Variants in NRL observed in about 807,000 individuals in gnomAD.
The protein encoded by NRL is neural retina leucine zipper.
Under a neutral mutation model 12.5 loss-of-function variants are expected in NRL, and 16 were observed. That is an observed-to-expected ratio of 1.28 (90% CI 0.87 to 1.95). NRL has a LOEUF of 1.95. Ranked by LOEUF, NRL falls within the 30% of genes most tolerant of loss-of-function variation. The pLI is 0.00. For missense variants in NRL, 314 were observed against 325.8 expected (o/e 0.96, Z 0.28); for synonymous variants, 142 against 150.9 (o/e 0.94, Z 0.43).
At position 24,081,313 on chromosome 14, in the gene NRL, C is replaced by T; in HGVS notation, c.637G>A (p.Asp213Asn). The change falls in exon 3 of 3, where the codon GAT becomes AAT. Residue 213 changes from aspartate (D) to asparagine (N), a missense_variant. By Grantham distance (23) the Asp-to-Asn change is conservative. Coordinates refer to ENST00000561028, the MANE Select transcript of NRL (RefSeq NM_001354768.3). The surrounding 1 kb of genome is among the most constrained non-coding windows in gnomAD (Gnocchi z 4.4). ...AEVARLARERDLYKARCDRLT... is the reference protein window; with the variant it reads ...AEVARLARERNLYKARCDRLT... ...CGGTCACAGCGAGCCTTGTAGAGAT[C>T]GCGCTCCCGGGCCAGGCGGGCCACC... is the stretch of plus-strand genomic sequence containing the variant. 2 of 1,485,468 alleles carry T rather than the reference C, an allele frequency of 1.3e-6. No individual in the cohort carries two copies. The highest frequency in any genetic ancestry group is 9.0e-7 in the Non-Finnish European group (1 of 1,116,450). 92.0% of individuals were successfully genotyped at this position (1,485,468 alleles called of 1,614,324 possible).
intron 1 of NRL, among the ~76,000 whole-genome samples, chr14:24,083,840 TGTTCAA>T (rs1434252810): frequency 2.6e-5 from 4 of 152,360 alleles, no homozygotes; most frequent in East Asian, 1.9e-4. Flanking sequence ...GTAAACCGTC[TGTTCAA>T]GTTCAACAAA....
intron 1 of NRL, among the ~76,000 whole-genome samples, chr14:24,089,479 C>T (rs1594263892): frequency 6.6e-6 from 1 of 152,116 alleles, no homozygotes; most frequent in Admixed American, 6.5e-5. Flanking sequence ...CTCCTGGGCT[C>T]AAGTGATCCT....
rs1594323981 is a variant in NRL, at chr14:24,111,560, T to C, written c.-28+3162A>G. Among the ~76,000 whole-genome samples, 3 of 150,802 alleles carry C rather than the reference T, an allele frequency of 2.0e-5. No individual in the cohort carries two copies. In the South Asian group the frequency reaches 6.3e-4, roughly 32 times the overall value. ...GGCTTTTTTTTTTTTAGTGACGGGG[T>C]TTCACCATGTTGGCCAGGCTGGTCT... On this transcript the variant is annotated intron_variant, in intron 1 of 2. Transcript: ENST00000561028.
chr14:24,100,783 G>A (rs2037131805), intron 1 of NRL, among the ~76,000 whole-genome samples: 1 of 152,070 alleles, frequency 6.6e-6, no homozygotes, highest in South Asian at 2.1e-4. Flanking sequence ...CCCTTCCCCT[G>A]TCCCTCCAAA....
chr14:24,111,735 G>C (rs944654595), intron 1 of NRL, among the ~76,000 whole-genome samples: 1 of 151,406 alleles, frequency 6.6e-6, no homozygotes. Flanking sequence ...GGAGATTTTG[G>C]GCTGAGACGA....
chr14:24,083,846 A>G (rs2036395991), intron 1 of NRL, among the ~76,000 whole-genome samples: 1 of 152,200 alleles, frequency 6.6e-6, no homozygotes, highest in Non-Finnish European at 1.5e-5. Flanking sequence ...CGTCTGTTCA[A>G]GTTCAACAAA....
At chr14:24,098,349 A>T (rs778961685) in intron 1 of NRL, 1 of 1,613,564 alleles carries the variant, frequency 6.2e-7, no homozygotes, top group Admixed American at 1.7e-5. Flanking sequence ...GCTGATTTCC[A>T]GCGAGCTGTG....
In NRL at chr14:24,081,804, G is replaced by A. The variant is rs932260800; in HGVS notation, c.382-236C>T. On this transcript the variant is annotated intron_variant, in intron 2 of 2. Transcript: ENST00000561028. This position sits in a 1 kb window ranked among gnomAD's most constrained non-coding sequence, Gnocchi z 4.4. ...TCAGGCGGGCGCCCCACGGTGCAGG[G>A]CCGGCCACGGTCAGGCGAGCCCGTC... 12 of 1,482,412 alleles carry A rather than the reference G, an allele frequency of 8.1e-6. No individual in the cohort carries two copies. The African/African-American group carries it at 1.7e-4, about 21-fold the overall frequency. The allele number at this position is 1,482,412 out of a possible 1,614,324, so 91.8% of individuals were successfully genotyped here. A position where few individuals can be genotyped will look rare whatever the true frequency, so the allele number is the denominator to read the frequency against.
chr14:24,114,797 C>T lies in NRL; in HGVS notation c.-103G>A, dbSNP rs1037233992. The stretch of plus-strand genomic sequence containing the variant: ...CCGTCGTGTGACGTTTGCAGCCCGC[C>T]GGCCAGGAAGCCGCGAGATGCGTGA... On this transcript the variant is annotated 5_prime_UTR_variant, in exon 1 of 3. Transcript: ENST00000561028. 3.0e-6 allele frequency: 3 copies of T among 985,846 alleles called. No homozygotes were observed. Among genetic ancestry groups the T allele is most frequent in the Non-Finnish European group, 3.6e-6 (3 of 829,984 alleles). The allele number at this position is 985,846 out of a possible 1,614,324, so 61.1% of individuals were successfully genotyped here.
At chr14:24,096,741 C>T in intron 1 of NRL, 2 of 703,478 alleles carry the variant, frequency 2.8e-6, no homozygotes, top group Non-Finnish European at 5.0e-6. Context: ...GTCCTGAACA[C>T]ATCCCACACA....
At chr14:24,105,282 T>A (rs1354717445) in intron 1 of NRL, among the ~76,000 whole-genome samples, 3 of 152,250 alleles carry the variant, frequency 2.0e-5, no homozygotes, top group Non-Finnish European at 2.9e-5. Flanking sequence ...CATGTGTTCC[T>A]TGCCCTCATT....
At chr14:24,096,648 T>G (rs2036898715) in intron 1 of NRL, among the ~76,000 whole-genome samples, 1 of 152,190 alleles carries the variant, frequency 6.6e-6, no homozygotes, top group Non-Finnish European at 1.5e-5. Context: ...GGCATGTGCC[T>G]TTTTTGCTCA....
intron 1 of NRL, chr14:24,093,257 T>C (rs1472401867): frequency 6.6e-6 from 1 of 152,290 alleles, no homozygotes; most frequent in Non-Finnish European, 1.5e-5. Context: ...TATAGCATTG[T>C]GGGTGATATC....
chr14:24,097,717 C>T lies in NRL; in HGVS notation c.-27-14842G>A, dbSNP rs548187977. On this transcript the variant is annotated intron_variant, in intron 1 of 2. Coordinates refer to ENST00000561028, the MANE Select transcript of NRL (RefSeq NM_001354768.3). Reference sequence around the variant, plus strand: ...CAAGCAATTCTCCTGCCTCAGCCTCCGGAGTAGCTGGGATTACAAGCATGC... The same window carrying T: ...CAAGCAATTCTCCTGCCTCAGCCTCTGGAGTAGCTGGGATTACAAGCATGC... Among the ~76,000 whole-genome samples, 6 of 151,962 alleles carry T rather than the reference C, an allele frequency of 3.9e-5. No individual in the cohort carries two copies. The South Asian group carries it at 1.0e-3, about 26-fold the overall frequency.
rs61497654 is a variant in NRL at position 24,103,500 on chromosome 14, TC to T, written c.-28+11221del. On this transcript the variant is annotated intron_variant, in intron 1 of 2. Coordinates refer to ENST00000561028, the MANE Select transcript of NRL (RefSeq NM_001354768.3). Reference sequence around the variant, plus strand: ...AGGAAGATTCCTTACCCATCTTGCTTCCCCCCCAGGGAAGATCATCATGCAC... The same window carrying T: ...AGGAAGATTCCTTACCCATCTTGCTTCCCCCCAGGGAAGATCATCATGCAC... 8 of 1,534,352 alleles carry T rather than the reference TC, an allele frequency of 5.2e-6. No homozygotes were observed. The East Asian group carries it at 6.8e-5, about 13-fold the overall frequency.
rs57297850 is a variant in NRL, at chr14:24,105,865, A to G, written c.-28+8857T>C. Reference sequence around the variant, plus strand: ...GGTTGCAGTAAGCCTAGATCATGCCATTGCACTCCAGCCTGGGGGACAGAG... The same window carrying G: ...GGTTGCAGTAAGCCTAGATCATGCCGTTGCACTCCAGCCTGGGGGACAGAG... On this transcript the variant is annotated intron_variant, in intron 1 of 2. Transcript: ENST00000561028. Among the ~76,000 whole-genome samples, 72 of 152,342 alleles carry G rather than the reference A, an allele frequency of 4.7e-4. 1 individual carries two copies. Among genetic ancestry groups the G allele is most frequent in the African/African-American group, 1.5e-3 (64 of 41,590 alleles).
chr14:24,099,543 C>T, intron 1 of NRL: 2 of 1,561,848 alleles, frequency 1.3e-6, no homozygotes, highest in East Asian at 4.5e-5. Context: ...TATTCCCTCT[C>T]TCCCCAATGC....
At chr14:24,087,868 G>A (rs2036503545) in intron 1 of NRL, among the ~76,000 whole-genome samples, 1 of 152,122 alleles carries the variant, frequency 6.6e-6, no homozygotes, top group African/African-American at 2.4e-5. Context: ...CTTGAGCCCA[G>A]AAGTTCGACA....
At chr14:24,114,687 C>G (rs931721536) in intron 1 of NRL, 35 bp downstream of exon 1, 16 of 985,876 alleles carry the variant, frequency 1.6e-5, no homozygotes, top group Non-Finnish European at 1.6e-5. Flanking sequence ...GCACTTTCTC[C>G]TCCCCTCAGG....
Sources: gnomAD v4.1 joint callset for allele counts (sites outside exome capture counted in the v4.1 genomes callset) on GRCh38, gnomAD v4.1.1 for gene constraint, Gnocchi (gnomAD v3.1) non-coding constraint, MANE v1.5 for transcripts, NCBI Gene and HGNC (gene_info 2026-07-23, HGNC 2026-07-21) for gene names.